Variants in PCDH15 observed in about 807,000 individuals in gnomAD.
PCDH15 encodes protocadherin related 15, also known as protocadherin-15.
In PCDH15, 129 loss-of-function variants were observed where a neutral mutation model predicts 178.5. The observed-to-expected ratio is 0.72, with a 90% CI of 0.63 to 0.84. PCDH15 has a LOEUF of 0.84. PCDH15 is among the 40% of genes least tolerant of loss of function. The pLI is 0.00. For synonymous variants in PCDH15, 800 were observed against 732.0 expected (o/e 1.09, Z -1.50); for missense variants, 2,230 against 2,099.9 (o/e 1.06, Z -1.21).
intron 15 of PCDH15, among the ~76,000 whole-genome samples, chr10:54,107,007 G>A (rs2094928472): frequency 6.6e-6 from 1 of 152,096 alleles, no homozygotes; most frequent in African/African-American, 2.4e-5. Flanking sequence ...TGGATACCTT[G>A]CCTATCTTCC....
chr10:54,813,406 C>T (rs1952898268), intron 3 of PCDH15, among the ~76,000 whole-genome samples: 1 of 152,154 alleles, frequency 6.6e-6, no homozygotes. Flanking sequence ...TCCCTTGAAA[C>T]CTTCCACTAT....
At chr10:54,578,431 AG>A (rs991893084) in intron 2 of PCDH15, among the ~76,000 whole-genome samples, 2 of 152,146 alleles carry the variant, frequency 1.3e-5, no homozygotes, top group African/African-American at 4.8e-5. Flanking sequence ...TTAACCTTAT[AG>A]GAAAACACTA....
chr10:53,983,283 G>A (rs139116603), intron 21 of PCDH15, among the ~76,000 whole-genome samples: 9 of 149,510 alleles, frequency 6.0e-5, no homozygotes, highest in East Asian at 2.0e-4. Context: ...ATATATATAC[G>A]TTTTGCAGGC....
At chr10:54,651,118 T>G (rs17499937) in intron 2 of PCDH15, among the ~76,000 whole-genome samples, 8,126 of 151,978 alleles carry the variant, frequency 0.053, 317 homozygotes, top group Non-Finnish European at 0.086. Flanking sequence ...ACAAAGGAAA[T>G]TGAGCTTATA....
chr10:55,092,859 A>G (rs1842351207), intron 2 of PCDH15, among the ~76,000 whole-genome samples: 1 of 151,966 alleles, frequency 6.6e-6, no homozygotes, highest in Non-Finnish European at 1.5e-5. Flanking sequence ...ACACACACAC[A>G]TCACAAGTAA....
intron 32 of PCDH15, chr10:53,822,307 T>C (rs528323072): frequency 1.9e-6 from 3 of 1,610,160 alleles, no homozygotes; most frequent in African/African-American, 1.3e-5. Flanking sequence ...AGAGGTGGTG[T>C]TGGGGGACCA....
chr10:54,233,595 T>A (rs773233451), intron 9 of PCDH15, among the ~76,000 whole-genome samples: 9 of 152,226 alleles, frequency 5.9e-5, no homozygotes, highest in Non-Finnish European at 1.3e-4. Context: ...GAAGAATGTG[T>A]ATTCTGCTGT....
chr10:54,764,494 G>C (rs1269513686), intron 1 of PCDH15, among the ~76,000 whole-genome samples: 1 of 151,344 alleles, frequency 6.6e-6, no homozygotes, highest in Non-Finnish European at 1.5e-5. Flanking sequence ...CCCAAACTAA[G>C]TAAATGATGT....
chr10:55,017,241 T>C (rs1238983800), intron 2 of PCDH15, among the ~76,000 whole-genome samples: 1 of 152,144 alleles, frequency 6.6e-6, no homozygotes, highest in African/African-American at 2.4e-5. Flanking sequence ...TTCAGCACAA[T>C]GCAGAAATCT....
chr10:54,796,620 T>C (rs747330072), intron 1 of PCDH15, among the ~76,000 whole-genome samples: 2 of 151,872 alleles, frequency 1.3e-5, no homozygotes, highest in Admixed American at 6.6e-5. Flanking sequence ...TATATCTCAG[T>C]TTCTCTTTCT....
intron 2 of PCDH15, among the ~76,000 whole-genome samples, chr10:54,898,582 A>G (rs1954586866): frequency 6.6e-6 from 1 of 152,150 alleles, no homozygotes; most frequent in South Asian, 2.1e-4. Context: ...TTTCTAGCCA[A>G]TAAATACCTA....
intron 2 of PCDH15, among the ~76,000 whole-genome samples, chr10:55,070,713 T>G (rs1360177481): frequency 1.3e-5 from 2 of 152,212 alleles, no homozygotes; most frequent in African/African-American, 4.8e-5. Context: ...GGTAGCGTGA[T>G]GCCTTCAGCT....
intron 21 of PCDH15, among the ~76,000 whole-genome samples, chr10:53,971,158 A>G (rs2089641183): frequency 6.6e-6 from 1 of 152,214 alleles, no homozygotes; most frequent in Non-Finnish European, 1.5e-5. Context: ...AACGTAATGC[A>G]GCATATAAAC....
At chr10:53,861,762 C>T (rs1013897170) in intron 27 of PCDH15, among the ~76,000 whole-genome samples, 4 of 151,946 alleles carry the variant, frequency 2.6e-5, no homozygotes, top group African/African-American at 7.3e-5. Context: ...AGTACATCTC[C>T]GTGTGACCTA....
chr10:54,075,251 C>A (rs960334653), intron 17 of PCDH15, among the ~76,000 whole-genome samples: 6 of 151,950 alleles, frequency 3.9e-5, no homozygotes, highest in Non-Finnish European at 5.9e-5. Context: ...GTGGCAGGTG[C>A]CTGTAGTCCC....
intron 2 of PCDH15, among the ~76,000 whole-genome samples, chr10:55,551,850 G>C (rs892705094): frequency 2.6e-5 from 4 of 151,702 alleles, no homozygotes; most frequent in African/African-American, 9.7e-5. Flanking sequence ...TGTTGAATTT[G>C]AGCTAAATTT....
At chr10:53,928,481 C>A in intron 25 of PCDH15, among the ~76,000 whole-genome samples, 1 of 152,022 alleles carries the variant, frequency 6.6e-6, no homozygotes, top group Non-Finnish European at 1.5e-5. Flanking sequence ...TGCCTACAAC[C>A]ATAATCAATA....
At position 54,100,734 on chromosome 10, in the gene PCDH15, C is replaced by T. The variant is rs200988878; in HGVS notation, c.1918-10671G>A. On this transcript the variant is annotated intron_variant, in intron 15 of 37. Transcript: ENST00000644397. ...GACTACAACTCTGTTATCAATAAAA[C>T]TCTCACTTCTGGAATACTCAGCAAC... 4.6e-5 allele frequency among the ~76,000 whole-genome samples: 7 copies of T among 152,176 alleles called. No individual in the cohort carries two copies. The South Asian group carries it at 8.3e-4, about 18-fold the overall frequency.
At chr10:55,512,324 T>C (rs1483649349) in intron 2 of PCDH15, among the ~76,000 whole-genome samples, 1 of 152,124 alleles carries the variant, frequency 6.6e-6, no homozygotes, top group African/African-American at 2.4e-5. Context: ...ATTAGTATTT[T>C]CCAAACTAAT....
Sources: allele counts gnomAD v4.1 joint callset (sites outside exome capture counted in the v4.1 genomes callset), GRCh38; gene constraint gnomAD v4.1.1; transcripts MANE v1.5; gene names NCBI Gene and HGNC (gene_info 2026-07-23, HGNC 2026-07-21).